The following ITGBL1 variants were observed in gnomAD, a reference collection of about 807,000 sequenced individuals.
The protein encoded by ITGBL1 is integrin subunit beta like 1, also known as integrin beta-like protein 1.
Under a neutral mutation model 68.5 loss-of-function variants are expected in ITGBL1, and 51 were observed. The ratio of observed to expected loss-of-function variants is 0.74; its 90% CI spans 0.59 to 0.94. The LOEUF (loss-of-function observed/expected upper bound fraction) is 0.94, where lower values mean the gene tolerates loss of function less well. ITGBL1 is among the 40% of genes least tolerant of loss of function. The probability of loss-of-function intolerance (pLI) is 0.00; values close to 1 mark genes in which losing one functional copy is unlikely to be tolerated. For missense variants in ITGBL1, 649 were observed against 647.4 expected (o/e 1.00, Z -0.03); for synonymous variants, 209 against 227.3 (o/e 0.92, Z 0.72).
At chr13:101,487,064 G>A (rs989236772) in intron 2 of ITGBL1, among the ~76,000 whole-genome samples, 1 of 152,074 alleles carries the variant, frequency 6.6e-6, no homozygotes, top group African/African-American at 2.4e-5. Context: ...TTGCTTCTAG[G>A]TTCTCATAGT....
rs76296084 is a variant in ITGBL1, at chr13:101,467,560, A to G, written c.316+13460A>G. Reference sequence around the variant, plus strand: ...CCAAGAATCACATTTCCTGGCAAATAAGAAACTATATTTTGTAATAGAAGT... The same window carrying G: ...CCAAGAATCACATTTCCTGGCAAATGAGAAACTATATTTTGTAATAGAAGT... On this transcript the variant is annotated intron_variant, in intron 2 of 10. Coordinates refer to ENST00000376180, the MANE Select transcript of ITGBL1 (RefSeq NM_004791.3). Among the ~76,000 whole-genome samples the G allele has an allele frequency of 1.1e-3, 172 of 152,350 alleles. 1 individual carries two copies. The highest frequency in any genetic ancestry group is 2.2e-3 in the Non-Finnish European group (149 of 68,032).
chr13:101,516,324 A>G (rs990078236), intron 2 of ITGBL1, among the ~76,000 whole-genome samples: 2 of 152,136 alleles, frequency 1.3e-5, no homozygotes, highest in African/African-American at 4.8e-5. Context: ...CTAGGGTTAG[A>G]TTATCATGTC....
chr13:101,706,941 C>T, intron 9 of ITGBL1, 39 bp downstream of exon 9: 1 of 1,596,322 alleles, frequency 6.3e-7, no homozygotes, highest in Non-Finnish European at 8.6e-7. Flanking sequence ...CATTCCTGTT[C>T]TGACACATGA....
At chr13:101,653,225 A>C (rs2032810243) in intron 7 of ITGBL1, among the ~76,000 whole-genome samples, 1 of 146,080 alleles carries the variant, frequency 6.8e-6, no homozygotes, top group Non-Finnish European at 1.5e-5. Context: ...GAAGGAAGGA[A>C]GGAGAAATTT....
At chr13:101,578,480 T>C (rs1485398908) in intron 4 of ITGBL1, among the ~76,000 whole-genome samples, 3 of 152,186 alleles carry the variant, frequency 2.0e-5, no homozygotes, top group African/African-American at 7.2e-5. Context: ...TTGGGATAAA[T>C]GCCATCTTTG....
intron 7 of ITGBL1, among the ~76,000 whole-genome samples, chr13:101,623,376 T>C (rs1237869824): frequency 6.6e-6 from 1 of 152,120 alleles, no homozygotes; most frequent in Admixed American, 6.5e-5. Flanking sequence ...GTTTGTGAAA[T>C]AAAATCAAGT....
At chr13:101,477,173 A>G (rs1021672323) in intron 2 of ITGBL1, among the ~76,000 whole-genome samples, 2 of 152,170 alleles carry the variant, frequency 1.3e-5, no homozygotes, top group Middle Eastern at 3.2e-3. Flanking sequence ...TAAAACTAGA[A>G]ATCAATAACA....
At position 101,687,087 on chromosome 13, in the gene ITGBL1, T is replaced by G. The variant is rs116383049; in HGVS notation, c.1016-5498T>G. Among the ~76,000 whole-genome samples the G allele has an allele frequency of 1.9e-3, 285 of 152,166 alleles. 1 individual carries two copies. The highest frequency in any genetic ancestry group is 6.4e-3 in the African/African-American group (265 of 41,532). ...AGTTAGTAATGCTGGTCAAAATGTT[T>G]AGGGTTTAATTTTGGTGATATAATC... is the stretch of plus-strand genomic sequence containing the variant. On this transcript the variant is annotated intron_variant, in intron 7 of 10. Coordinates refer to ENST00000376180, the MANE Select transcript of ITGBL1 (RefSeq NM_004791.3).
At chr13:101,714,149 T>C in intron 9 of ITGBL1, 1 of 302,328 alleles carries the variant, frequency 3.3e-6, no homozygotes, top group Non-Finnish European at 6.1e-6. Context: ...AGACCATCTA[T>C]AAGAATCAAC....
At chr13:101,688,428 T>A (rs2033806365) in intron 7 of ITGBL1, among the ~76,000 whole-genome samples, 1 of 152,026 alleles carries the variant, frequency 6.6e-6, no homozygotes, top group Non-Finnish European at 1.5e-5. Context: ...AAAATGGTGG[T>A]GTGCACCACG....
chr13:101,625,098 A>G (rs2031724948), intron 7 of ITGBL1, among the ~76,000 whole-genome samples: 1 of 152,210 alleles, frequency 6.6e-6, no homozygotes, highest in African/African-American at 2.4e-5. Flanking sequence ...TCAGTGATGC[A>G]ATTGCAACTC....
rs1326478098 is a variant in ITGBL1 at position 101,453,980 on chromosome 13, C to T, written c.196C>T (p.Arg66Trp). The part of the protein sequence containing the change: ...QPPGAALCHG[R>W]GRCDCGVCIC... Reference sequence around the variant, plus strand: ...CCCGGGGGCCGCGCTGTGCCACGGCCGGGGCCGCTGCGACTGCGGCGTCTG... The same window carrying T: ...CCCGGGGGCCGCGCTGTGCCACGGCTGGGGCCGCTGCGACTGCGGCGTCTG... The change falls in exon 2 of 11, where the codon CGG becomes TGG. Residue 66 changes from arginine to tryptophan, a missense_variant. Physicochemically the swap from Arg to Trp is moderately radical, Grantham distance 101 (BLOSUM62 -3). Transcript: ENST00000376180. The T allele has an allele frequency of 6.5e-6, 10 of 1,537,830 alleles. No homozygotes were observed. In the Admixed American group the frequency reaches 1.2e-4, roughly 19 times the overall value.
At chr13:101,607,366 C>T (rs185925609) in intron 7 of ITGBL1, among the ~76,000 whole-genome samples, 1 of 151,912 alleles carries the variant, frequency 6.6e-6, no homozygotes, top group African/African-American at 2.4e-5. Context: ...TTGTTACATG[C>T]CAATTTATTG....
rs115253573 is a variant in ITGBL1 at position 101,589,291 on chromosome 13, A to G, written c.868+5935A>G. Among the ~76,000 whole-genome samples, 1,372 of 152,284 alleles carry G rather than the reference A, an allele frequency of 9.0e-3. 19 individuals are homozygous for G. The highest frequency in any genetic ancestry group is 0.031 in the African/African-American group (1,296 of 41,564). On this transcript the variant is annotated intron_variant, in intron 6 of 10. Transcript: ENST00000376180. ...GCTTGCTTCTTCTATGATATACAGT[A>G]AGATATCTTGTTTAGAAAATTCTAC...
At chr13:101,689,439 C>A (rs970728733) in intron 7 of ITGBL1, among the ~76,000 whole-genome samples, 2 of 151,360 alleles carry the variant, frequency 1.3e-5, no homozygotes, top group Non-Finnish European at 2.9e-5. Flanking sequence ...TGAACTGAGG[C>A]AGCAAAATAA....
chr13:101,705,955 A>G (rs2034255313), intron 8 of ITGBL1, among the ~76,000 whole-genome samples: 1 of 152,184 alleles, frequency 6.6e-6, no homozygotes, highest in Non-Finnish European at 1.5e-5. Context: ...ACCCTGCTGT[A>G]AGGTAATGCA....
At chr13:101,515,161 CTT>C (rs1315823671) in intron 2 of ITGBL1, among the ~76,000 whole-genome samples, 1 of 151,970 alleles carries the variant, frequency 6.6e-6, no homozygotes, top group African/African-American at 2.4e-5. Flanking sequence ...TATGATAAGA[CTT>C]ATAATACTTA....
intron 7 of ITGBL1, among the ~76,000 whole-genome samples, chr13:101,672,274 G>A (rs1412731561): frequency 6.6e-6 from 1 of 152,180 alleles, no homozygotes; most frequent in African/African-American, 2.4e-5. Context: ...GACTAGACTG[G>A]ATCTTGAATT....
chr13:101,649,435 A>G (rs1288243143), intron 7 of ITGBL1, among the ~76,000 whole-genome samples: 1 of 152,210 alleles, frequency 6.6e-6, no homozygotes, highest in Non-Finnish European at 1.5e-5. Flanking sequence ...TATAAGGTCA[A>G]TGTAAGAAGG....
Sources: gnomAD v4.1 joint callset for allele counts (sites outside exome capture counted in the v4.1 genomes callset) on GRCh38, gnomAD v4.1.1 for gene constraint, MANE v1.5 for transcripts, NCBI Gene and HGNC (gene_info 2026-07-23, HGNC 2026-07-21) for gene names.